The following NUDT14 variants were observed in gnomAD, a reference collection of about 807,000 sequenced individuals.
The protein encoded by NUDT14 is nudix hydrolase 14.
NUDT14 carries 22 observed loss-of-function variants against 17.5 expected under a neutral mutation model. The ratio of observed to expected loss-of-function variants is 1.26; its 90% CI spans 0.90 to 1.80. NUDT14 has a LOEUF of 1.80. Ranked by LOEUF, NUDT14 falls within the 40% of genes most tolerant of loss-of-function variation. The pLI is 0.00. For missense variants in NUDT14, 296 were observed against 295.6 expected (o/e 1.00, Z -0.01); for synonymous variants, 129 against 125.8 (o/e 1.03, Z -0.17).
Position 105,173,241 on chromosome 14 carries a change from CCAGT to C in NUDT14, c.445_448del (p.Thr149AlafsTer11). ...TGTGTAGAACATGGTCTGTCTGGAG[CCAGT>C]CAGTCCCACTCCAGACCTACGGGTT... On this transcript the variant is annotated frameshift_variant, in exon 5 of 5. Transcript: ENST00000392568. LOFTEE classifies it high-confidence loss of function. The surrounding 1 kb of genome is among the most constrained non-coding windows in gnomAD (Gnocchi z 4.7). 6.3e-7 allele frequency: 1 copy of C among 1,577,066 alleles called. No individual in the cohort carries two copies. Among genetic ancestry groups the C allele is most frequent in the Non-Finnish European group, 8.6e-7 (1 of 1,162,942 alleles).
chr14:105,179,407 C>G (rs1006544710), intron 1 of NUDT14, among the ~76,000 whole-genome samples: 1 of 152,234 alleles, frequency 6.6e-6, no homozygotes, highest in African/African-American at 2.4e-5. Context: ...GAGGAGATGC[C>G]GCCCAGCCCG....
chr14:105,181,225 G>C lies in NUDT14; in HGVS notation c.-16C>G. 1 of 1,039,748 alleles carries C rather than the reference G, an allele frequency of 9.6e-7. No individual in the cohort carries two copies. The highest frequency in any genetic ancestry group is 1.2e-6 in the Non-Finnish European group (1 of 847,472). 64.4% of individuals were successfully genotyped at this position (1,039,748 alleles called of 1,614,324 possible). On this transcript the variant is annotated 5_prime_UTR_variant, in exon 1 of 5. Coordinates refer to ENST00000392568, the MANE Select transcript of NUDT14 (RefSeq NM_177533.5). The surrounding 1 kb of genome is among the most constrained non-coding windows in gnomAD (Gnocchi z 5.0). ...TGCGCTCCATGGCGGCGCCCGGACA[G>C]GCGGGGGCCGCGAGCTCTGCGGGGG...
At chr14:105,175,264 T>C (rs1214784211) in intron 4 of NUDT14, among the ~76,000 whole-genome samples, 1 of 152,216 alleles carries the variant, frequency 6.6e-6, no homozygotes, top group East Asian at 1.9e-4. Context: ...CTGTGCTCAG[T>C]ACTATGGGCT....
Position 105,173,479 on chromosome 14 carries a change from G to A in NUDT14, c.429-218C>T, listed in dbSNP as rs1003493671. On this transcript the variant is annotated intron_variant, in intron 4 of 4. Coordinates refer to ENST00000392568, the MANE Select transcript of NUDT14 (RefSeq NM_177533.5). The surrounding 1 kb of genome is among the most constrained non-coding windows in gnomAD (Gnocchi z 4.7). ...TCCCTTCCCTGATCACGTTGTACTC[G>A]CCAGGTGGGGTGGGTGTTGTCGATG... 2.8e-5 allele frequency: 12 copies of A among 421,956 alleles called. No homozygotes were observed. Among genetic ancestry groups the A allele is most frequent in the South Asian group, 9.0e-5 (1 of 11,076 alleles). 26.1% of individuals were successfully genotyped at this position (421,956 alleles called of 1,614,324 possible).
chr14:105,180,101 C>T (rs1889294822), intron 1 of NUDT14, among the ~76,000 whole-genome samples: 1 of 152,196 alleles, frequency 6.6e-6, no homozygotes, highest in Non-Finnish European at 1.5e-5. Flanking sequence ...GGGGCCCTAA[C>T]TGGACAGGGC....
chr14:105,181,225 GGCGGGGGCCGCGAGCTCT>G lies in NUDT14; in HGVS notation c.-34_-17del, dbSNP rs61267479. 0.5 allele frequency: 520,229 copies of G among 1,036,142 alleles called. 135,185 individuals carry two copies. The highest frequency in any genetic ancestry group is 0.57 in the Middle Eastern group (1,351 of 2,350). 64.2% of individuals were successfully genotyped at this position (1,036,142 alleles called of 1,614,324 possible). On this transcript the variant is annotated 5_prime_UTR_variant, in exon 1 of 5. Coordinates refer to ENST00000392568, the MANE Select transcript of NUDT14 (RefSeq NM_177533.5). This position sits in a 1 kb window ranked among gnomAD's most constrained non-coding sequence, Gnocchi z 5.0. ...TGCGCTCCATGGCGGCGCCCGGACA[GGCGGGGGCCGCGAGCTCT>G]GCGGGGGCCGACACGGGGCGGCGCC... is the stretch of plus-strand genomic sequence containing the variant.
chr14:105,173,196 C>G lies in NUDT14; in HGVS notation c.494G>C (p.Arg165Pro), dbSNP rs765187630. ...CACCAGGCCCCCACCTGGACCGCTA[C>G]GCTGGGCATCTGTCACCTCTGTGTA... Reference protein sequence around the residue: ...MFYTEVTDAQRSGPGGGLVEE... With the variant: ...MFYTEVTDAQPSGPGGGLVEE... The change falls in exon 5 of 5, where the codon CGT (arginine) becomes CCT (proline). Residue 165 changes from arginine (R) to proline (P), a missense_variant. Coordinates refer to ENST00000392568, the MANE Select transcript of NUDT14 (RefSeq NM_177533.5). This position sits in a 1 kb window ranked among gnomAD's most constrained non-coding sequence, Gnocchi z 4.7. The G allele has an allele frequency of 2.5e-6, 4 of 1,610,084 alleles. No individual in the cohort carries two copies. The highest frequency in any genetic ancestry group is 2.5e-6 in the Non-Finnish European group (3 of 1,178,826).
intron 4 of NUDT14, chr14:105,175,888 G>A: frequency 2.5e-6 from 3 of 1,177,960 alleles, no homozygotes; most frequent in Non-Finnish European, 3.2e-6. Context: ...CTCTGGAGGA[G>A]GCTGTGGAGG....
Position 105,181,100 on chromosome 14 carries a change from GCGCGGGGGA to G in NUDT14, c.81+20_81+28del, listed in dbSNP as rs1889317650. 1.5e-5 allele frequency: 13 copies of G among 850,826 alleles called. No homozygotes were observed. The South Asian group carries it at 4.7e-4, about 31-fold the overall frequency. 52.7% of individuals were successfully genotyped at this position (850,826 alleles called of 1,614,324 possible). On this transcript the variant is annotated intron_variant, in intron 1 of 4. Transcript: ENST00000392568. The surrounding 1 kb of genome is among the most constrained non-coding windows in gnomAD (Gnocchi z 5.0). ...GTCGTGGGCCGGGCCGCCGGCGGGGGCGCGGGGGACGCGGGGGCGCGGGCTCACCTGGCG... is the reference window on the plus strand; with the variant it reads ...GTCGTGGGCCGGGCCGCCGGCGGGGGCGCGGGGGCGCGGGCTCACCTGGCG...
intron 4 of NUDT14, chr14:105,175,848 G>A (rs938942073): frequency 1.0e-5 from 11 of 1,077,754 alleles, no homozygotes; most frequent in Non-Finnish European, 1.1e-5. Flanking sequence ...AGAGACTTCC[G>A]GTGCTTCTCC....
chr14:105,175,858 C>G, intron 4 of NUDT14: 1 of 1,096,364 alleles, frequency 9.1e-7, no homozygotes, highest in Non-Finnish European at 1.1e-6. Flanking sequence ...GGTGCTTCTC[C>G]CAGTGGAGCG....
At chr14:105,174,339 C>T (rs1354842901) in intron 4 of NUDT14, among the ~76,000 whole-genome samples, 1 of 151,738 alleles carries the variant, frequency 6.6e-6, no homozygotes, top group East Asian at 1.9e-4. Flanking sequence ...TGGGGAGAAA[C>T]GGGACTGAGG....
chr14:105,181,193 C>T lies in NUDT14; in HGVS notation c.17G>A (p.Gly6Glu). ...GGCGGCGCAGCGGCCCACGGACGCC[C>T]CCTCGATGCGCTCCATGGCGGCGCC... Reference protein sequence around the residue: MERIEGASVGRCAASP... With the variant: MERIEEASVGRCAASP... Residue 6 changes from glycine to glutamate, a missense_variant, in exon 1 of 5, where the codon GGG becomes GAG. By Grantham distance (98) the Gly-to-Glu change is moderately conservative (BLOSUM62 -2). Coordinates refer to ENST00000392568, the MANE Select transcript of NUDT14 (RefSeq NM_177533.5). The surrounding 1 kb of genome is among the most constrained non-coding windows in gnomAD (Gnocchi z 5.0). The T allele has an allele frequency of 1.7e-6, 2 of 1,178,850 alleles. No homozygotes were observed. The highest frequency in any genetic ancestry group is 2.1e-6 in the Non-Finnish European group (2 of 946,084). The allele number at this position is 1,178,850 out of a possible 1,614,324, so 73.0% of individuals were successfully genotyped here.
In NUDT14 at chr14:105,173,385, C is replaced by G; in HGVS notation, c.429-124G>C. Reference sequence around the variant, plus strand: ...CTCCAGCCCTCCAGTAGGCAGGACTCTGGGATGCCCTCTCCCACCCGGATT... The same window carrying G: ...CTCCAGCCCTCCAGTAGGCAGGACTGTGGGATGCCCTCTCCCACCCGGATT... On this transcript the variant is annotated intron_variant, in intron 4 of 4. Transcript: ENST00000392568. The surrounding 1 kb of genome is among the most constrained non-coding windows in gnomAD (Gnocchi z 4.7). The G allele has an allele frequency of 8.8e-7, 1 of 1,132,726 alleles. No homozygotes were observed. The highest frequency in any genetic ancestry group is 1.2e-6 in the Non-Finnish European group (1 of 869,240). The allele number at this position is 1,132,726 out of a possible 1,614,324, so 70.2% of individuals were successfully genotyped here. A position where few individuals can be genotyped will look rare whatever the true frequency, so the allele number is the denominator to read the frequency against.
Position 105,173,150 on chromosome 14 carries a change from C to T in NUDT14, c.540G>A (p.Glu180=). ...GGLVEEGELI[E]VVHLPLEGAQ... ...CGCCTTCCAGGGGCAGGTGCACCAC[C>T]TCAATGAGCTCACCCTCCTCCACCA... The change falls in exon 5 of 5, where the codon GAG becomes GAA. Residue 180 remains glutamate (E), a synonymous_variant. Coordinates refer to ENST00000392568, the MANE Select transcript of NUDT14 (RefSeq NM_177533.5). This position sits in a 1 kb window ranked among gnomAD's most constrained non-coding sequence, Gnocchi z 4.7. 1.2e-6 allele frequency: 2 copies of T among 1,610,894 alleles called. No homozygotes were observed. The highest frequency in any genetic ancestry group is 2.7e-5 in the African/African-American group (2 of 74,990).
At chr14:105,178,299 C>A (rs587602601) in intron 1 of NUDT14, among the ~76,000 whole-genome samples, 2 of 152,072 alleles carry the variant, frequency 1.3e-5, no homozygotes, top group East Asian at 3.9e-4. Flanking sequence ...GGTAGGAGAT[C>A]GCACTGCAGG....
chr14:105,179,094 T>TC (rs1156592720), intron 1 of NUDT14, among the ~76,000 whole-genome samples: 11 of 151,454 alleles, frequency 7.3e-5, no homozygotes, highest in African/African-American at 1.7e-4. Flanking sequence ...CACCACTGCT[T>TC]CCCCCCGAGT....
chr14:105,178,606 G>A lies in NUDT14; in HGVS notation c.82-871C>T, dbSNP rs115005400. 6.9e-3 allele frequency among the ~76,000 whole-genome samples: 1,047 copies of A among 152,298 alleles called. 10 individuals carry two copies. Among genetic ancestry groups the A allele is most frequent in the African/African-American group, 0.024 (1,001 of 41,552 alleles). On this transcript the variant is annotated intron_variant, in intron 1 of 4. Coordinates refer to ENST00000392568, the MANE Select transcript of NUDT14 (RefSeq NM_177533.5). The stretch of plus-strand genomic sequence containing the variant: ...TCCTGGGGGCTGAGCCTGGGGTCCC[G>A]CGGGGTCCCATCTCCGGCACGCTCA...
chr14:105,175,829 G>A, intron 4 of NUDT14: 1 of 1,041,284 alleles, frequency 9.6e-7, no homozygotes, highest in Non-Finnish European at 1.2e-6. Context: ...GTGCCAGGCT[G>A]ACAGGTGCAG....
Sources: allele counts gnomAD v4.1 joint callset (sites outside exome capture counted in the v4.1 genomes callset), GRCh38; gene constraint gnomAD v4.1.1; non-coding constraint Gnocchi (gnomAD v3.1); transcripts MANE v1.5; gene names NCBI Gene and HGNC (gene_info 2026-07-23, HGNC 2026-07-21).